NRXN3: variants seen among roughly 807,000 people sequenced by gnomAD.
NRXN3 encodes the protein neurexin 3.
Under a neutral mutation model 137.6 loss-of-function variants are expected in NRXN3, and 32 were observed. That is an observed-to-expected ratio of 0.23 (90% CI 0.18 to 0.31). The LOEUF is 0.31. NRXN3 is among the 10% of genes least tolerant of loss of function. NRXN3 has a pLI of 1.00. For missense variants in NRXN3, 1,574 were observed against 2,062.5 expected (o/e 0.76, Z 4.59); for synonymous variants, 798 against 784.5 (o/e 1.02, Z -0.29).
chr14:79,335,369 A>G (rs557840778), intron 15 of NRXN3, among the ~76,000 whole-genome samples: 33 of 152,238 alleles, frequency 2.2e-4, no homozygotes, highest in South Asian at 1.5e-3. Context: ...ATAGTATGAC[A>G]GTCCTGATAC....
rs187216699 is a variant in NRXN3, at chr14:79,682,824, T to C, written c.3617-9349T>C. Among the ~76,000 whole-genome samples the C allele has an allele frequency of 2.0e-4, 31 of 152,282 alleles. No individual in the cohort carries two copies. In the East Asian group the frequency reaches 6.0e-3, roughly 29 times the overall value. On this transcript the variant is annotated intron_variant, in intron 17 of 20. Transcript: ENST00000335750. ...ACTCTACTCCCAGAAACTGTTTTTA[T>C]TTAATTATAAAATGGGAAAGCATTT...
intron 20 of NRXN3, among the ~76,000 whole-genome samples, chr14:79,837,524 T>TATC (rs2099346602): frequency 6.6e-6 from 1 of 152,174 alleles, no homozygotes. Context: ...CACTTTTACT[T>TATC]ATCTCCTTGC....
rs559463682 is a variant in NRXN3, at chr14:79,633,059, A to AAT, written c.3445-30717_3445-30716dup. ...TCAAGGGATTTGCTCACAGCCAAAT[A>AAT]ATAGTAATTGGCAGTGTTAGGATTT... On this transcript the variant is annotated intron_variant, in intron 16 of 20. Coordinates refer to ENST00000335750, the MANE Select transcript of NRXN3 (RefSeq NM_001330195.2). Among the ~76,000 whole-genome samples the AAT allele has an allele frequency of 1.5e-3, 229 of 152,284 alleles. 1 individual carries two copies. Among genetic ancestry groups the AAT allele is most frequent in the African/African-American group, 5.2e-3 (216 of 41,536 alleles).
chr14:79,412,906 A>G (rs2095440349), intron 15 of NRXN3, among the ~76,000 whole-genome samples: 1 of 152,226 alleles, frequency 6.6e-6, no homozygotes, highest in Non-Finnish European at 1.5e-5. Context: ...ATTCAAACCA[A>G]AAGGCCTCCA....
At chr14:79,364,931 C>T (rs1025304487) in intron 15 of NRXN3, among the ~76,000 whole-genome samples, 1 of 152,076 alleles carries the variant, frequency 6.6e-6, no homozygotes, top group Non-Finnish European at 1.5e-5. Flanking sequence ...AACCAGCACT[C>T]TTCTATATAT....
intron 10 of NRXN3, among the ~76,000 whole-genome samples, chr14:78,914,808 T>G (rs893497694): frequency 3.3e-5 from 5 of 152,010 alleles, no homozygotes. Context: ...TTTGAAAAGA[T>G]CACCCTGGCT....
At chr14:79,767,587 C>T (rs1038665989) in intron 19 of NRXN3, among the ~76,000 whole-genome samples, 45 of 152,228 alleles carry the variant, frequency 3.0e-4, no homozygotes, top group African/African-American at 9.9e-4. Flanking sequence ...AATCAGCCAG[C>T]ATCAGCTGGG....
chr14:79,582,028 G>T (rs1287357139), intron 16 of NRXN3, among the ~76,000 whole-genome samples: 1 of 152,164 alleles, frequency 6.6e-6, no homozygotes, highest in Non-Finnish European at 1.5e-5. Context: ...CCAGGCTCGT[G>T]ATTCACCTGC....
At chr14:79,443,410 A>C (rs2096002100) in intron 15 of NRXN3, among the ~76,000 whole-genome samples, 1 of 152,180 alleles carries the variant, frequency 6.6e-6, no homozygotes, top group Admixed American at 6.5e-5. Context: ...GTATTTATTG[A>C]AGAAGTAATA....
At chr14:78,854,710 G>A (rs2099051988) in intron 10 of NRXN3, among the ~76,000 whole-genome samples, 1 of 152,166 alleles carries the variant, frequency 6.6e-6, no homozygotes, top group East Asian at 1.9e-4. Context: ...TCCTGGCTAA[G>A]AAGTCCTTGC....
At chr14:78,427,155 T>C (rs1387804461) in intron 4 of NRXN3, among the ~76,000 whole-genome samples, 1 of 152,146 alleles carries the variant, frequency 6.6e-6, no homozygotes, top group Non-Finnish European at 1.5e-5. Context: ...GAGGAGGCGG[T>C]GTCTGTGGGT....
chr14:79,387,394 C>T (rs1467011672), intron 15 of NRXN3, among the ~76,000 whole-genome samples: 12 of 152,144 alleles, frequency 7.9e-5, no homozygotes, highest in African/African-American at 2.9e-4. Context: ...AAATCAAAAC[C>T]ACAATGAGAT....
intron 16 of NRXN3, among the ~76,000 whole-genome samples, chr14:79,644,157 CACCCCATGTAAA>C (rs2098444273): frequency 8.0e-6 from 1 of 124,618 alleles, no homozygotes; most frequent in South Asian, 2.4e-4. Flanking sequence ...AAACCAAATT[CACCCCATGTAAA>C]ACAGATGAAA....
At chr14:79,766,427 A>C (rs527665801) in intron 19 of NRXN3, among the ~76,000 whole-genome samples, 14 of 152,246 alleles carry the variant, frequency 9.2e-5, no homozygotes, top group Admixed American at 6.5e-4. Flanking sequence ...TTCTTTTTTC[A>C]AAAAGCTTGT....
chr14:78,556,722 A>G (rs969262772), intron 4 of NRXN3, among the ~76,000 whole-genome samples: 2 of 152,130 alleles, frequency 1.3e-5, no homozygotes, highest in East Asian at 1.9e-4. Context: ...AAGGAAAGTT[A>G]TCAACTTTAA....
intron 2 of NRXN3, among the ~76,000 whole-genome samples, chr14:78,266,455 C>A (rs566366652): frequency 1.3e-5 from 2 of 152,152 alleles, no homozygotes; most frequent in East Asian, 1.9e-4. Context: ...CATACCACCA[C>A]GCCCAGCTAA....
intron 15 of NRXN3, among the ~76,000 whole-genome samples, chr14:79,219,247 T>C (rs936970530): frequency 5.9e-5 from 9 of 152,072 alleles, no homozygotes; most frequent in Non-Finnish European, 8.8e-5. Context: ...CTCAGCCTCC[T>C]GAGGAGCTAA....
At chr14:79,190,969 C>T (rs1416896101) in intron 15 of NRXN3, among the ~76,000 whole-genome samples, 1 of 152,180 alleles carries the variant, frequency 6.6e-6, no homozygotes, top group Non-Finnish European at 1.5e-5. Flanking sequence ...CGTACACATA[C>T]ATAATTGTCT....
chr14:78,895,063 A>G lies in NRXN3; in HGVS notation c.2276-62179A>G, dbSNP rs77940293. Among the ~76,000 whole-genome samples the G allele has an allele frequency of 9.6e-3, 1,453 of 151,822 alleles. 23 individuals carry two copies. Among genetic ancestry groups the G allele is most frequent in the African/African-American group, 0.033 (1,383 of 41,452 alleles). Reference sequence around the variant, plus strand: ...GGCCCTAGGATTTTTTGAATGGTATATAAGCATTGGCTTCAACTTAAAGTC... The same window carrying G: ...GGCCCTAGGATTTTTTGAATGGTATGTAAGCATTGGCTTCAACTTAAAGTC... On this transcript the variant is annotated intron_variant, in intron 10 of 20. Transcript: ENST00000335750.
Sources: allele counts gnomAD v4.1 joint callset (sites outside exome capture counted in the v4.1 genomes callset), GRCh38; gene constraint gnomAD v4.1.1; transcripts MANE v1.5; gene names NCBI Gene and HGNC (gene_info 2026-07-23, HGNC 2026-07-21).